The following THUMPD2 variants were observed in gnomAD, a reference collection of about 807,000 sequenced individuals.
The protein encoded by THUMPD2 is U6 snRNA (guanine-N(2))-methyltransferase THUMPD2.
A neutral mutation model predicts 49.4 loss-of-function variants in THUMPD2; 56 were observed. That is an observed-to-expected ratio of 1.13 (90% CI 0.91 to 1.41). The LOEUF (loss-of-function observed/expected upper bound fraction) is 1.41, where lower values mean the gene tolerates loss of function less well. THUMPD2 is among the 40% of genes most tolerant of loss of function. The probability of loss-of-function intolerance (pLI) is 0.00; values close to 1 mark genes in which losing one functional copy is unlikely to be tolerated. For synonymous variants in THUMPD2, 237 were observed against 205.2 expected, an observed-to-expected ratio of 1.15 and a Z score of -1.32; for missense variants, 709 against 594.5, an observed-to-expected ratio of 1.19 and a Z score of -2.00.
At chr2:39,770,811 T>G (rs1237671169) in intron 2 of THUMPD2, among the ~76,000 whole-genome samples, 1 of 152,160 alleles carries the variant, frequency 6.6e-6, no homozygotes, top group Admixed American at 6.5e-5. Flanking sequence ...CTGCTTGGTC[T>G]TGATTTCTTG....
chr2:39,773,097 A>G (rs1678554638), intron 1 of THUMPD2, among the ~76,000 whole-genome samples: 1 of 152,212 alleles, frequency 6.6e-6, no homozygotes, highest in African/African-American at 2.4e-5. Flanking sequence ...AAGTAACCAA[A>G]ACCAGAACTT....
chr2:39,770,234 C>T, intron 2 of THUMPD2, 115 bp from the exon 3 acceptor site: 1 of 687,532 alleles, frequency 1.5e-6, no homozygotes, highest in Non-Finnish European at 2.1e-6. Context: ...TATTAAATTG[C>T]TACACGAATA....
Position 39,770,113 on chromosome 2 carries a change from A to AT in THUMPD2, c.268dup (p.Ile90AsnfsTer3). ...TATAAGTCTTTGCATTTCATTAAAT[A>AT]TTTTTCCTAAATAAGAAAAATCTTG... On this transcript the variant is annotated frameshift_variant, in exon 3 of 10. Transcript: ENST00000505747. LOFTEE classifies it high-confidence loss of function. 1.4e-6 allele frequency: 2 copies of AT among 1,473,754 alleles called. No homozygotes were observed. The highest frequency in any genetic ancestry group is 3.1e-5 in the South Asian group (2 of 64,528). 91.3% of individuals were successfully genotyped at this position (1,473,754 alleles called of 1,614,324 possible).
Position 39,761,192 on chromosome 2 carries a change from T to C in THUMPD2, c.891+139A>G, listed in dbSNP as rs1490657412. The stretch of plus-strand genomic sequence containing the variant: ...TTACTGCAGCAGTTTGTAAGTACAA[T>C]GGCAAAAAGAAAAGAAGTTAAAGAA... On this transcript the variant is annotated intron_variant, in intron 6 of 9. Transcript: ENST00000505747. 5 of 698,572 alleles carry C rather than the reference T, an allele frequency of 7.2e-6. No individual in the cohort carries two copies. The African/African-American group carries it at 8.9e-5, about 12-fold the overall frequency. The allele number at this position is 698,572 out of a possible 1,614,324, so 43.3% of individuals were successfully genotyped here.
At position 39,736,801 on chromosome 2, in the gene THUMPD2, T is replaced by G; in HGVS notation, c.1446A>C (p.Lys482Asn). 2 of 1,614,210 alleles carry G rather than the reference T, an allele frequency of 1.2e-6. No individual in the cohort carries two copies. Among genetic ancestry groups the G allele is most frequent in the Non-Finnish European group, 1.7e-6 (2 of 1,180,020 alleles). The change falls in exon 10 of 10, where the codon AAA (lysine) becomes AAC (asparagine). Residue 482 changes from lysine to asparagine, a missense_variant. Physicochemically the swap from Lys to Asn is moderately conservative, Grantham distance 94 (BLOSUM62 0). Coordinates refer to ENST00000505747, the MANE Select transcript of THUMPD2 (RefSeq NM_025264.5). Reference sequence around the variant, plus strand: ...ACGCATCTGTCTTTCCAAGGCTAACTTTGTAGCATTCCACTGGTACCAAGG... The same window carrying G: ...ACGCATCTGTCTTTCCAAGGCTAACGTTGTAGCATTCCACTGGTACCAAGG... ...FGSLVPVECY[K>N]VSLGKTDAFI...
intron 5 of THUMPD2, 128 bp from the exon 6 acceptor site, chr2:39,761,546 G>T: frequency 2.4e-6 from 2 of 830,784 alleles, no homozygotes; most frequent in Non-Finnish European, 3.7e-6. Context: ...TATTCCCTAA[G>T]TTAGACAATG....
Position 39,736,731 on chromosome 2 carries a change from C to G in THUMPD2, c.*4G>C. 1 of 1,609,450 alleles carries G rather than the reference C, an allele frequency of 6.2e-7. No homozygotes were observed. Among genetic ancestry groups the G allele is most frequent in the African/African-American group, 1.3e-5 (1 of 74,908 alleles). On this transcript the variant is annotated 3_prime_UTR_variant, in exon 10 of 10. Coordinates refer to ENST00000505747, the MANE Select transcript of THUMPD2 (RefSeq NM_025264.5). ...CCTGAACCCGGCTGATGGCAGCAAG[C>G]CTGCTACAGTCCAGAAGAGTGCGAC... is the stretch of plus-strand genomic sequence containing the variant.
chr2:39,771,814 T>A (rs914287295), intron 1 of THUMPD2, among the ~76,000 whole-genome samples, 174 bp from the exon 2 acceptor site: 12 of 152,164 alleles, frequency 7.9e-5, no homozygotes, highest in African/African-American at 2.4e-4. Flanking sequence ...CTTATCCTTA[T>A]AACCACCCTC....
intron 8 of THUMPD2, among the ~76,000 whole-genome samples, chr2:39,754,625 A>G (rs1012373071): frequency 6.6e-6 from 1 of 152,228 alleles, no homozygotes; most frequent in Non-Finnish European, 1.5e-5. Flanking sequence ...AGAAAAAAAC[A>G]AGGAATAGTT....
At chr2:39,751,844 AT>A (rs1163530100) in intron 8 of THUMPD2, among the ~76,000 whole-genome samples, 3 of 151,676 alleles carry the variant, frequency 2.0e-5, no homozygotes, top group Non-Finnish European at 2.9e-5. Flanking sequence ...CGCCTGGCTA[AT>A]TTTTTTTGTT....
In THUMPD2 at chr2:39,743,988, C is replaced by G. The variant is rs75478566; in HGVS notation, c.1187+382G>C. Among the ~76,000 whole-genome samples, 1,469 of 150,748 alleles carry G rather than the reference C, an allele frequency of 9.7e-3. 51 individuals carry two copies. In the East Asian group the frequency reaches 0.11, roughly 11 times the overall value. The stretch of plus-strand genomic sequence containing the variant: ...AGTGATCATAAGAAAGTTAATCTTT[C>G]TGTGCCCCAGATTCTCATCTGTTAA... On this transcript the variant is annotated intron_variant, in intron 9 of 9. Coordinates refer to ENST00000505747, the MANE Select transcript of THUMPD2 (RefSeq NM_025264.5).
chr2:39,776,228 C>G (rs558057580), intron 1 of THUMPD2, among the ~76,000 whole-genome samples: 1 of 152,080 alleles, frequency 6.6e-6, no homozygotes, highest in Non-Finnish European at 1.5e-5. Flanking sequence ...AAATATTTAA[C>G]ATCATCCAGG....
chr2:39,770,046 C>T lies in THUMPD2; in HGVS notation c.336G>A (p.Trp112Ter). 5 of 1,569,624 alleles carry T rather than the reference C, an allele frequency of 3.2e-6. No individual in the cohort carries two copies. The highest frequency in any genetic ancestry group is 4.3e-6 in the Non-Finnish European group (5 of 1,167,812). The change falls in exon 3 of 10, where the codon TGG becomes TGA. Residue 112 changes from tryptophan (W) to a stop codon, truncating the protein, a stop_gained. Transcript: ENST00000505747. LOFTEE classifies it high-confidence loss of function. ...PGSWLNAISI[W>*]KNLLELDAKK... ...TTGCATCAAGTTCAAGAAGATTTTT[C>T]CAAATTGAAATGGCATTCAACCAAC...
At chr2:39,752,092 G>C (rs987934978) in intron 8 of THUMPD2, among the ~76,000 whole-genome samples, 2 of 152,200 alleles carry the variant, frequency 1.3e-5, no homozygotes, top group African/African-American at 4.8e-5. Flanking sequence ...GCTGAAGATT[G>C]TGATTTTATA....
chr2:39,773,837 CATT>C (rs1678706453), intron 1 of THUMPD2, among the ~76,000 whole-genome samples: 1 of 152,052 alleles, frequency 6.6e-6, no homozygotes, highest in Non-Finnish European at 1.5e-5. Context: ...AAAGCAGCAA[CATT>C]ATTCTACGAA....
At chr2:39,773,538 A>AATATATATTTATATTTAAAAATAT (rs1558542563) in intron 1 of THUMPD2, among the ~76,000 whole-genome samples, 2 of 145,792 alleles carry the variant, frequency 1.4e-5, no homozygotes, top group Admixed American at 6.9e-5. Flanking sequence ...ACATATATAA[A>AATATATATTTATATTTAAAAATAT]ATATATATTT....
At position 39,736,966 on chromosome 2, in the gene THUMPD2, A is replaced by G. The variant is rs374247850; in HGVS notation, c.1281T>C (p.Asn427=). 72 of 1,613,974 alleles carry G rather than the reference A, an allele frequency of 4.5e-5. No individual in the cohort carries two copies. The highest frequency in any genetic ancestry group is 5.9e-5 in the Non-Finnish European group (70 of 1,180,008). The part of the protein sequence containing the change: ...TDCKESNIPF[N]SKDSHTDEPG... ...GTTCATCTGTGTGACTGTCCTTGGAATTGAAAGGGATGTTGCTCTCTTTAC... is the reference window on the plus strand; with the variant it reads ...GTTCATCTGTGTGACTGTCCTTGGAGTTGAAAGGGATGTTGCTCTCTTTAC... The change falls in exon 10 of 10, where the codon AAT becomes AAC. Residue 427 remains asparagine, a synonymous_variant. Transcript: ENST00000505747.
chr2:39,773,324 C>A (rs563143308), intron 1 of THUMPD2, among the ~76,000 whole-genome samples: 3 of 151,720 alleles, frequency 2.0e-5, no homozygotes, highest in African/African-American at 4.8e-5. Context: ...TCTGGGGGAA[C>A]GAACTAAATA....
intron 8 of THUMPD2, among the ~76,000 whole-genome samples, chr2:39,754,295 T>C (rs1405679487): frequency 6.6e-6 from 1 of 152,172 alleles, no homozygotes; most frequent in Non-Finnish European, 1.5e-5. Context: ...AGAGTCCTAT[T>C]AAAAACCTTG....
Sources: gnomAD v4.1 joint callset for allele counts (sites outside exome capture counted in the v4.1 genomes callset) on GRCh38, gnomAD v4.1.1 for gene constraint, MANE v1.5 for transcripts, NCBI Gene and HGNC (gene_info 2026-07-23, HGNC 2026-07-21) for gene names.